Variants in INPP4A observed in about 807,000 individuals in gnomAD.
INPP4A encodes inositol polyphosphate-4-phosphatase type I A.
In INPP4A, 33 loss-of-function variants were observed where a neutral mutation model predicts 119.8. The ratio of observed to expected loss-of-function variants is 0.28; its 90% CI spans 0.21 to 0.37. INPP4A has a LOEUF of 0.37. INPP4A is among the 10% of genes least tolerant of loss of function. The pLI is 1.00. For missense variants in INPP4A, 956 were observed against 1,289.9 expected, an observed-to-expected ratio of 0.74 and a Z score of 3.97; for synonymous variants, 496 against 500.7, an observed-to-expected ratio of 0.99 and a Z score of 0.12.
intron 1 of INPP4A, among the ~76,000 whole-genome samples, chr2:98,518,760 G>T (rs1436831492): frequency 1.3e-5 from 2 of 152,204 alleles, no homozygotes; most frequent in Non-Finnish European, 2.9e-5. Context: ...GATCAGCCCT[G>T]CAGGGGAGAG....
chr2:98,493,823 A>G (rs1379856491), intron 1 of INPP4A, among the ~76,000 whole-genome samples: 1 of 152,210 alleles, frequency 6.6e-6, no homozygotes, highest in East Asian at 1.9e-4. Context: ...CTTTGAGTAT[A>G]ACATTTTGTT....
At chr2:98,476,678 C>T (rs368121561) in intron 1 of INPP4A, among the ~76,000 whole-genome samples, 4 of 152,272 alleles carry the variant, frequency 2.6e-5, no homozygotes, top group Non-Finnish European at 4.4e-5. Context: ...CCTCCCTCTG[C>T]GCTCATGGTT....
intron 1 of INPP4A, among the ~76,000 whole-genome samples, chr2:98,459,124 T>G (rs1012744530): frequency 6.6e-6 from 1 of 152,244 alleles, no homozygotes; most frequent in African/African-American, 2.4e-5. Context: ...GAAATGCCGC[T>G]CACTCATGAG....
intron 24 of INPP4A, among the ~76,000 whole-genome samples, chr2:98,578,076 T>C (rs1435897720): frequency 6.6e-6 from 1 of 152,216 alleles, no homozygotes; most frequent in African/African-American, 2.4e-5. Context: ...AAAAATGGAA[T>C]CGTTTTGTCC....
At chr2:98,555,976 G>C in intron 16 of INPP4A, 168 bp downstream of exon 16, 1 of 749,640 alleles carries the variant, frequency 1.3e-6, no homozygotes, top group Non-Finnish European at 2.1e-6. Flanking sequence ...AGTGAGAGCG[G>C]AGTCTCCGGT....
intron 1 of INPP4A, among the ~76,000 whole-genome samples, chr2:98,492,756 A>G (rs1681100669): frequency 6.6e-6 from 1 of 152,216 alleles, no homozygotes. Context: ...TCAGTTCGAT[A>G]TCTGAGGGAC....
chr2:98,531,205 T>C (rs756423829), intron 4 of INPP4A, among the ~76,000 whole-genome samples: 24 of 152,094 alleles, frequency 1.6e-4, no homozygotes, highest in Non-Finnish European at 2.2e-4. Flanking sequence ...TTAAAGAAAC[T>C]TTAGGGGGAC....
At chr2:98,463,895 G>T (rs565227312) in intron 1 of INPP4A, among the ~76,000 whole-genome samples, 3 of 152,176 alleles carry the variant, frequency 2.0e-5, no homozygotes, top group African/African-American at 7.2e-5. Context: ...TGCTCGCTCC[G>T]TGCACAGCCC....
intron 10 of INPP4A, 80 bp from the exon 11 acceptor site, chr2:98,543,797 G>A: frequency 1.9e-6 from 3 of 1,552,354 alleles, no homozygotes; most frequent in South Asian, 2.4e-5. Context: ...TGCAAATGCT[G>A]TTGTCCTGGG....
chr2:98,535,689 A>C (rs1291551719), intron 5 of INPP4A, 40 bp from the exon 6 acceptor site: 2 of 932,928 alleles, frequency 2.1e-6, no homozygotes, highest in East Asian at 5.4e-5. Flanking sequence ...CATTTTAAAA[A>C]TCCAACCCTG....
At chr2:98,520,769 T>C (rs1687028138) in intron 4 of INPP4A, 38 bp downstream of exon 4, 3 of 1,200,294 alleles carry the variant, frequency 2.5e-6, no homozygotes, top group Non-Finnish European at 2.4e-6. Context: ...TTAAAAAATA[T>C]TTTACTTAAA....
At chr2:98,576,615 C>G (rs1054950812) in intron 23 of INPP4A, among the ~76,000 whole-genome samples, 1 of 152,202 alleles carries the variant, frequency 6.6e-6, no homozygotes, top group African/African-American at 2.4e-5. Context: ...ATTTGCCGCC[C>G]TCTTTCCCTG....
At chr2:98,500,280 C>T (rs1682854546) in intron 1 of INPP4A, among the ~76,000 whole-genome samples, 1 of 152,028 alleles carries the variant, frequency 6.6e-6, no homozygotes, top group Non-Finnish European at 1.5e-5. Flanking sequence ...CCAGAGGTTC[C>T]AACAGCCAGC....
In INPP4A at chr2:98,592,193, G is replaced by A. The variant is rs532250546; in HGVS notation, c.*4585G>A. 6.6e-6 allele frequency: 1 copy of A among 152,366 alleles called. No individual in the cohort carries two copies. Among genetic ancestry groups the A allele is most frequent in the Admixed American group, 6.5e-5 (1 of 15,292 alleles). 9.4% of individuals were successfully genotyped at this position (152,366 alleles called of 1,614,324 possible). A position where few individuals can be genotyped will look rare whatever the true frequency, so the allele number is the denominator to read the frequency against. ...CTTCTTATCACTTTCTCCCCAAAAT[G>A]TCCTCTTCTACCAGCCCCTCTTAAG... is the stretch of plus-strand genomic sequence containing the variant. On this transcript the variant is annotated 3_prime_UTR_variant, in exon 25 of 25. Transcript: ENST00000409851.
chr2:98,544,063 A>T (rs568754879), intron 11 of INPP4A, 56 bp downstream of exon 11: 354 of 1,195,546 alleles, frequency 3.0e-4, no homozygotes, highest in Non-Finnish European at 3.9e-4. Flanking sequence ...ACACACACAC[A>T]CTCTCACTCT....
intron 1 of INPP4A, among the ~76,000 whole-genome samples, chr2:98,465,476 T>C (rs1045181374): frequency 6.6e-6 from 1 of 152,248 alleles, no homozygotes; most frequent in African/African-American, 2.4e-5. Context: ...TGCAAATCCT[T>C]TGCTGTATAA....
intron 1 of INPP4A, among the ~76,000 whole-genome samples, chr2:98,477,234 G>C (rs987185860): frequency 6.6e-6 from 1 of 152,258 alleles, no homozygotes; most frequent in Non-Finnish European, 1.5e-5. Context: ...TTGGAGCCCG[G>C]ATGGTCTGGC....
At chr2:98,515,088 G>T (rs966307258) in intron 1 of INPP4A, among the ~76,000 whole-genome samples, 1 of 152,180 alleles carries the variant, frequency 6.6e-6, no homozygotes, top group Non-Finnish European at 1.5e-5. Flanking sequence ...CCAGCTGGAG[G>T]TTCATCCGCA....
chr2:98,483,388 G>T (rs141207444), intron 1 of INPP4A, among the ~76,000 whole-genome samples: 28 of 152,336 alleles, frequency 1.8e-4, no homozygotes, highest in African/African-American at 5.8e-4. Flanking sequence ...TCAGAAACAG[G>T]TATTTCTTGA....
Sources: gnomAD v4.1 joint callset for allele counts (sites outside exome capture counted in the v4.1 genomes callset) on GRCh38, gnomAD v4.1.1 for gene constraint, MANE v1.5 for transcripts, NCBI Gene and HGNC (gene_info 2026-07-23, HGNC 2026-07-21) for gene names.